The following SNTB1 variants were observed in gnomAD, a reference collection of about 807,000 sequenced individuals.
SNTB1 encodes the protein syntrophin beta 1.
SNTB1 carries 36 observed loss-of-function variants against 48.9 expected under a neutral mutation model. That is an observed-to-expected ratio of 0.74 (90% confidence interval 0.56 to 0.97). The LOEUF is 0.97. SNTB1 is among the 50% of genes least tolerant of loss of function. The pLI is 0.00. For missense variants in SNTB1, 786 were observed against 703.4 expected, an observed-to-expected ratio of 1.12 and a Z score of -1.33; for synonymous variants, 299 against 294.6, an observed-to-expected ratio of 1.01 and a Z score of -0.15.
chr8:120,598,277 G>A (rs952766056), intron 3 of SNTB1, among the ~76,000 whole-genome samples: 1 of 152,072 alleles, frequency 6.6e-6, no homozygotes, highest in Admixed American at 6.6e-5. Context: ...TCTTCATTGG[G>A]TCTCCACATT....
chr8:120,648,995 C>T (rs1486699331), intron 2 of SNTB1, among the ~76,000 whole-genome samples: 1 of 149,852 alleles, frequency 6.7e-6, no homozygotes, highest in East Asian at 2.0e-4. Context: ...ACGTAGTTCT[C>T]GAGCCTTGGT....
At chr8:120,590,688 T>C (rs1816226442) in intron 3 of SNTB1, among the ~76,000 whole-genome samples, 1 of 148,042 alleles carries the variant, frequency 6.8e-6, no homozygotes, top group Non-Finnish European at 1.5e-5. Flanking sequence ...TTCTTTTCTT[T>C]TTTTTTTTTT....
intron 1 of SNTB1, among the ~76,000 whole-genome samples, chr8:120,728,721 T>A (rs1036716350): frequency 6.6e-6 from 1 of 152,244 alleles, no homozygotes; most frequent in African/African-American, 2.4e-5. Flanking sequence ...GTACCACATT[T>A]TCTTTATCCT....
chr8:120,555,880 G>A (rs1259519729), intron 4 of SNTB1, among the ~76,000 whole-genome samples: 1 of 152,124 alleles, frequency 6.6e-6, no homozygotes, highest in African/African-American at 2.4e-5. Flanking sequence ...GACCACGTGA[G>A]GACACAGAAA....
intron 4 of SNTB1, among the ~76,000 whole-genome samples, chr8:120,556,255 G>T (rs991957612): frequency 6.6e-6 from 1 of 152,200 alleles, no homozygotes; most frequent in African/African-American, 2.4e-5. Flanking sequence ...GCTTCTGGTA[G>T]ATGACAAGCA....
At chr8:120,679,499 C>T (rs1444918927) in intron 2 of SNTB1, among the ~76,000 whole-genome samples, 2 of 152,142 alleles carry the variant, frequency 1.3e-5, no homozygotes, top group African/African-American at 2.4e-5. Flanking sequence ...AGTGTGTGGC[C>T]GACTATGGCT....
chr8:120,810,164 T>C (rs1820401310), intron 1 of SNTB1, among the ~76,000 whole-genome samples: 1 of 152,154 alleles, frequency 6.6e-6, no homozygotes, highest in South Asian at 2.1e-4. Flanking sequence ...GACTCACCAC[T>C]AAATAAAAGA....
intron 1 of SNTB1, among the ~76,000 whole-genome samples, chr8:120,716,238 C>A (rs914563097): frequency 4.6e-5 from 7 of 152,142 alleles, no homozygotes; most frequent in African/African-American, 1.7e-4. Context: ...AGACTGACTG[C>A]CTGAGAAGAA....
chr8:120,636,282 T>A (rs566816663), intron 2 of SNTB1, among the ~76,000 whole-genome samples: 1,796 of 150,734 alleles, frequency 0.012, 42 homozygotes, highest in African/African-American at 0.041. Context: ...AGGGTACATG[T>A]ACACATTGTG....
chr8:120,623,177 C>T (rs1432177289), intron 3 of SNTB1, among the ~76,000 whole-genome samples: 1 of 152,182 alleles, frequency 6.6e-6, no homozygotes, highest in African/African-American at 2.4e-5. Flanking sequence ...TGATTGCTCC[C>T]CAAGAATCTC....
At chr8:120,582,721 G>C (rs1180792631) in intron 3 of SNTB1, among the ~76,000 whole-genome samples, 3 of 151,794 alleles carry the variant, frequency 2.0e-5, no homozygotes, top group African/African-American at 7.3e-5. Flanking sequence ...AGAACACATG[G>C]ACACAGGGAG....
intron 2 of SNTB1, chr8:120,637,775 C>T (rs752432875): frequency 3.3e-5 from 12 of 366,132 alleles, no homozygotes; most frequent in Admixed American, 7.1e-5. Flanking sequence ...AATGTTTCTG[C>T]GTCATTCTTC....
intron 4 of SNTB1, among the ~76,000 whole-genome samples, chr8:120,550,542 T>TAA (rs11445916): frequency 0.026 from 3,315 of 126,604 alleles, 66 homozygotes; most frequent in Middle Eastern, 0.046. Flanking sequence ...ACTCTGTCTT[T>TAA]AAAAAAAAAA....
intron 2 of SNTB1, chr8:120,654,887 T>C (rs1312872503): frequency 4.6e-6 from 2 of 433,348 alleles, no homozygotes; most frequent in Non-Finnish European, 9.1e-6. Context: ...ACCTTTCCCC[T>C]CCAAGTGACT....
intron 3 of SNTB1, among the ~76,000 whole-genome samples, chr8:120,609,249 A>C (rs1816578478): frequency 6.6e-6 from 1 of 152,256 alleles, no homozygotes; most frequent in African/African-American, 2.4e-5. Context: ...TAGACAAGCC[A>C]AAGATTCTGA....
chr8:120,764,485 G>C (rs987418587), intron 1 of SNTB1, among the ~76,000 whole-genome samples: 5 of 152,174 alleles, frequency 3.3e-5, no homozygotes, highest in African/African-American at 9.7e-5. Context: ...AAAGACAGGG[G>C]CTGAATAACT....
chr8:120,811,267 C>A lies in SNTB1; in HGVS notation c.571+6G>T, dbSNP rs1202854003. ...CGGCGCGGCCCGCGCGCTGTTAACCCCTTACCTTCCAGCAGCACTTCCTTG... is the reference window on the plus strand; with the variant it reads ...CGGCGCGGCCCGCGCGCTGTTAACCACTTACCTTCCAGCAGCACTTCCTTG... On this transcript the variant is annotated splice_donor_region_variant and intron_variant, in intron 1 of 6. Transcript: ENST00000517992. 1 of 1,590,262 alleles carries A rather than the reference C, an allele frequency of 6.3e-7. No individual in the cohort carries two copies. Among genetic ancestry groups the A allele is most frequent in the Admixed American group, 1.7e-5 (1 of 59,130 alleles).
intron 3 of SNTB1, among the ~76,000 whole-genome samples, chr8:120,577,527 C>T (rs970911831): frequency 2.0e-5 from 3 of 152,034 alleles, no homozygotes; most frequent in Non-Finnish European, 4.4e-5. Flanking sequence ...AAATTTTTTC[C>T]AACTTCTACA....
intron 2 of SNTB1, among the ~76,000 whole-genome samples, chr8:120,664,485 A>T (rs1817641990): frequency 6.6e-6 from 1 of 152,196 alleles, no homozygotes; most frequent in Non-Finnish European, 1.5e-5. Flanking sequence ...TCATTATAAG[A>T]TTAGTTTGCA....
Sources: allele counts gnomAD v4.1 joint callset (sites outside exome capture counted in the v4.1 genomes callset), GRCh38; gene constraint gnomAD v4.1.1; transcripts MANE v1.5; gene names NCBI Gene and HGNC (gene_info 2026-07-23, HGNC 2026-07-21).